Variants in CRMP1 observed in about 807,000 individuals in gnomAD.
CRMP1 encodes the protein collapsin response mediator protein 1, also known as dihydropyrimidinase-related protein 1.
CRMP1 carries 19 observed loss-of-function variants against 68.3 expected under a neutral mutation model. That is an observed-to-expected ratio of 0.28 (90% CI 0.19 to 0.41). The LOEUF (loss-of-function observed/expected upper bound fraction) is 0.41, where lower values mean the gene tolerates loss of function less well. Ranked by LOEUF, CRMP1 falls within the 10% of genes least tolerant of loss-of-function variation. CRMP1 has a pLI of 1.00. For missense variants in CRMP1, 791 were observed against 967.4 expected (o/e 0.82, Z 2.42); for synonymous variants, 439 against 399.6 (o/e 1.10, Z -1.18).
intron 13 of CRMP1, among the ~76,000 whole-genome samples, chr4:5,823,936 G>C (rs1719110637): frequency 6.6e-6 from 1 of 152,204 alleles, no homozygotes; most frequent in South Asian, 2.1e-4. Flanking sequence ...TATGATGTTG[G>C]AAAGCATCTG....
At chr4:5,844,121 C>T (rs1487273148) in intron 6 of CRMP1, among the ~76,000 whole-genome samples, 1 of 152,074 alleles carries the variant, frequency 6.6e-6, no homozygotes, top group African/African-American at 2.4e-5. Context: ...AACTGCGCGT[C>T]TATGGTTATT....
rs1712888527 is a variant in CRMP1, at chr4:5,854,398, T to C, written c.820+1745A>G. Among the ~76,000 whole-genome samples the C allele has an allele frequency of 2.8e-5, 3 of 107,080 alleles. No homozygotes were observed. Among genetic ancestry groups the C allele is most frequent in the Admixed American group, 1.1e-4 (1 of 8,742 alleles). The allele number at this position is 107,080 out of a possible 152,430, so 70.2% of individuals were successfully genotyped here. A position where few individuals can be genotyped will look rare whatever the true frequency, so the allele number is the denominator to read the frequency against. On this transcript the variant is annotated intron_variant, in intron 4 of 13. Coordinates refer to ENST00000324989, the MANE Select transcript of CRMP1 (RefSeq NM_001014809.3). This position sits in a 1 kb window ranked among gnomAD's most constrained non-coding sequence, Gnocchi z 4.0. ...AGGCGTACACCACCACTCCTGGCTA[T>C]GTTTTTTTTTTTTTTTTTTTTTTTT...
chr4:5,827,632 ACT>A (rs1481375661), intron 12 of CRMP1, among the ~76,000 whole-genome samples: 1 of 151,604 alleles, frequency 6.6e-6, no homozygotes, highest in Non-Finnish European at 1.5e-5. Context: ...ACACACACAC[ACT>A]CCAACACACG....
intron 9 of CRMP1, among the ~76,000 whole-genome samples, chr4:5,839,083 G>A (rs1345999668): frequency 6.6e-6 from 1 of 152,172 alleles, no homozygotes. Flanking sequence ...TGGAGCACTC[G>A]GTTCCAGGTC....
chr4:5,836,931 GT>G, intron 9 of CRMP1, 25 bp from the exon 10 acceptor site: 1 of 1,582,666 alleles, frequency 6.3e-7, no homozygotes, highest in Non-Finnish European at 8.6e-7. Flanking sequence ...ACAAGGTAGA[GT>G]TCAGACCCTA....
intron 8 of CRMP1, 80 bp from the exon 9 acceptor site, chr4:5,839,758 T>TCC: frequency 6.9e-7 from 1 of 1,451,448 alleles, no homozygotes; most frequent in East Asian, 2.4e-5. Flanking sequence ...ATTGGAAGAC[T>TCC]GTGGAGGGAG....
rs776533879 is a variant in CRMP1, at chr4:5,824,216, G to A, written c.1969+1278C>T. ...GTTTGCAAACTCCTTGAGAGCTTGT[G>A]TCTTGTTGCACCCAGATAGCTTTTT... On this transcript the variant is annotated intron_variant, in intron 13 of 13. Transcript: ENST00000324989. 7 of 843,552 alleles carry A rather than the reference G, an allele frequency of 8.3e-6. No individual in the cohort carries two copies. In the African/African-American group the frequency reaches 1.3e-4, roughly 16 times the overall value. 52.3% of individuals were successfully genotyped at this position (843,552 alleles called of 1,614,324 possible). A position where few individuals can be genotyped will look rare whatever the true frequency, so the allele number is the denominator to read the frequency against.
rs1456611479 is a variant in CRMP1 at position 5,836,769 on chromosome 4, G to A, written c.1448C>T (p.Ala483Val). 5.0e-6 allele frequency: 8 copies of A among 1,613,832 alleles called. No individual in the cohort carries two copies. The highest frequency in any genetic ancestry group is 2.7e-5 in the African/African-American group (2 of 74,916). The change falls in exon 10 of 14, where the codon GCG becomes GTG. Residue 483 changes from alanine (A) to valine (V), a missense_variant. By Grantham distance (64) the Ala-to-Val change is moderately conservative (BLOSUM62 0). Transcript: ENST00000324989. The part of the protein sequence containing the change: ...EERMTVVWDK[A>V]VATGKMDENQ... ...TGAGAAGAGATCCAGCCTTACCACCGCCTTGTCCCAGACGACCGTCATCCG... is the reference window on the plus strand; with the variant it reads ...TGAGAAGAGATCCAGCCTTACCACCACCTTGTCCCAGACGACCGTCATCCG...
chr4:5,837,892 G>A (rs1720836463), intron 9 of CRMP1, among the ~76,000 whole-genome samples: 1 of 152,084 alleles, frequency 6.6e-6, no homozygotes, highest in African/African-American at 2.4e-5. Flanking sequence ...TTAAGGAATG[G>A]GGACTGCATC....
intron 1 of CRMP1, among the ~76,000 whole-genome samples, chr4:5,867,018 A>G (rs1219091181): frequency 6.6e-6 from 1 of 152,100 alleles, no homozygotes; most frequent in East Asian, 1.9e-4. Context: ...TTCCACCTAT[A>G]AATACTTCAC....
chr4:5,858,481 C>T lies in CRMP1; in HGVS notation c.656-2174G>A, dbSNP rs891025389. On this transcript the variant is annotated intron_variant, in intron 3 of 13. Transcript: ENST00000324989. The surrounding 1 kb of genome is among the most constrained non-coding windows in gnomAD (Gnocchi z 5.5). ...CCAGAGGCCCAGGTCACCCGTGGCA[C>T]TTCCTTTCCCTCACATGCCCCCGTG... is the stretch of plus-strand genomic sequence containing the variant. Among the ~76,000 whole-genome samples the T allele has an allele frequency of 2.0e-5, 3 of 152,068 alleles. No homozygotes were observed. Among genetic ancestry groups the T allele is most frequent in the African/African-American group, 7.2e-5 (3 of 41,392 alleles).
intron 13 of CRMP1, chr4:5,824,401 C>G (rs1719194151): frequency 1.0e-6 from 1 of 985,196 alleles, no homozygotes; most frequent in African/African-American, 1.7e-5. Context: ...TGATTCATGC[C>G]TCCTCGGCAT....
intron 13 of CRMP1, among the ~76,000 whole-genome samples, chr4:5,824,117 G>A (rs1197707152): frequency 6.6e-6 from 1 of 152,174 alleles, no homozygotes; most frequent in African/African-American, 2.4e-5. Flanking sequence ...AGAACAACGG[G>A]GAGGAGGATT....
At chr4:5,829,720 C>A (rs1720216846) in intron 11 of CRMP1, among the ~76,000 whole-genome samples, 1 of 152,216 alleles carries the variant, frequency 6.6e-6, no homozygotes, top group African/African-American at 2.4e-5. Context: ...CATATCAGCA[C>A]ACATACAAAA....
Position 5,855,994 on chromosome 4 carries a change from G to A in CRMP1, c.820+149C>T. 1.2e-6 allele frequency: 1 copy of A among 858,968 alleles called. No individual in the cohort carries two copies. The allele number at this position is 858,968 out of a possible 1,614,324, so 53.2% of individuals were successfully genotyped here. On this transcript the variant is annotated intron_variant, in intron 4 of 13. Transcript: ENST00000324989. This position sits in a 1 kb window ranked among gnomAD's most constrained non-coding sequence, Gnocchi z 4.9. ...AAGGATGGACTCTGTAAAGGGACTGGCCTGTTTCCTCACTGTCACGTGGCA... is the reference window on the plus strand; with the variant it reads ...AAGGATGGACTCTGTAAAGGGACTGACCTGTTTCCTCACTGTCACGTGGCA...
chr4:5,868,724 C>A (rs181174367), intron 1 of CRMP1, among the ~76,000 whole-genome samples: 8 of 152,236 alleles, frequency 5.3e-5, no homozygotes, highest in African/African-American at 1.9e-4. Context: ...TACAGTGATA[C>A]GTATTTTGCT....
In CRMP1 at chr4:5,891,175, T is replaced by TAC. The variant is rs58583102; in HGVS notation, c.381+1412_381+1413dup. Among the ~76,000 whole-genome samples, 7,705 of 131,910 alleles carry TAC rather than the reference T, an allele frequency of 0.058. 272 individuals are homozygous for TAC. The highest frequency in any genetic ancestry group is 0.1 in the African/African-American group (3,516 of 34,458). The allele number at this position is 131,910 out of a possible 152,430, so 86.5% of individuals were successfully genotyped here. ...TGATCACCCCACCACCACACACACA[T>TAC]ACACACACACACACACACACACACA... On this transcript the variant is annotated intron_variant, in intron 1 of 13. Transcript: ENST00000324989. The surrounding 1 kb of genome is among the most constrained non-coding windows in gnomAD (Gnocchi z 5.2).
chr4:5,831,572 G>A (rs1022030445), intron 11 of CRMP1, among the ~76,000 whole-genome samples: 2 of 152,156 alleles, frequency 1.3e-5, no homozygotes, highest in African/African-American at 4.8e-5. Flanking sequence ...GATTGTGAAT[G>A]CGGAGGGGCG....
rs1713394503 is a variant in CRMP1 at position 5,859,712 on chromosome 4, G to A, written c.655+1314C>T. On this transcript the variant is annotated intron_variant, in intron 3 of 13. Transcript: ENST00000324989. The surrounding 1 kb of genome is among the most constrained non-coding windows in gnomAD (Gnocchi z 5.2). ...CATTTCCCATCCAGCAGATCCACGG[G>A]CTGCCCTTTGGAAGAGGGATCAGGA... 6.6e-6 allele frequency among the ~76,000 whole-genome samples: 1 copy of A among 152,128 alleles called. No homozygotes were observed. The highest frequency in any genetic ancestry group is 6.5e-5 in the Admixed American group (1 of 15,280).
Sources: gnomAD v4.1 joint callset for allele counts (sites outside exome capture counted in the v4.1 genomes callset) on GRCh38, gnomAD v4.1.1 for gene constraint, Gnocchi (gnomAD v3.1) non-coding constraint, MANE v1.5 for transcripts, NCBI Gene and HGNC (gene_info 2026-07-23, HGNC 2026-07-21) for gene names.